PNMA8B: variants seen among roughly 807,000 people sequenced by gnomAD.
PNMA8B encodes the protein paraneoplastic antigen-like protein 8B.
For missense variants in PNMA8B, 887 were observed against 885.8 expected (o/e 1.00, Z -0.02); for synonymous variants, 386 against 394.9 (o/e 0.98, Z 0.27).
Position 46,492,252 on chromosome 19 carries a change from C to T in PNMA8B, c.*1306G>A, listed in dbSNP as rs781779736. On this transcript the variant is annotated 3_prime_UTR_variant, in exon 1 of 1. Coordinates refer to ENST00000599531, the MANE Select transcript of PNMA8B (RefSeq NM_020709.3). The stretch of plus-strand genomic sequence containing the variant: ...GGGACGAGGAAGCACACACATTGCC[C>T]CAGGGACAAGAAGGCATGAATGAAG... 8.4e-6 allele frequency: 3 copies of T among 356,424 alleles called. No homozygotes were observed. Among genetic ancestry groups the T allele is most frequent in the Non-Finnish European group, 1.7e-5 (3 of 171,604 alleles). 22.1% of individuals were successfully genotyped at this position (356,424 alleles called of 1,614,324 possible).
rs1970021784 is a variant in PNMA8B at position 46,492,694 on chromosome 19, A to T, written c.*864T>A. ...ACCCAGGGGAGCCACAGCCTATGGG[A>T]GGGGCCAGGGCCCACTCAGCCCAGA... On this transcript the variant is annotated 3_prime_UTR_variant, in exon 1 of 1. Transcript: ENST00000599531. 6.6e-6 allele frequency: 1 copy of T among 152,396 alleles called. No individual in the cohort carries two copies. Among genetic ancestry groups the T allele is most frequent in the Admixed American group, 6.5e-5 (1 of 15,290 alleles). 9.4% of individuals were successfully genotyped at this position (152,396 alleles called of 1,614,324 possible).
At position 46,494,581 on chromosome 19, in the gene PNMA8B, C is replaced by T; in HGVS notation, c.885G>A (p.Leu295=). The part of the protein sequence containing the change: ...DKNGVPDLVA[L]LAVRDTPDEE... ...CGTCCGGGGTGTCTCTCACAGCCAG[C>T]AGGGCCACTAAGTCGGGGACACCAT... is the stretch of plus-strand genomic sequence containing the variant. The change falls in exon 1 of 1, where the codon CTG becomes CTA. Residue 295 remains leucine, a synonymous_variant. Transcript: ENST00000599531. 1 of 1,614,074 alleles carries T rather than the reference C, an allele frequency of 6.2e-7. No homozygotes were observed. Among genetic ancestry groups the T allele is most frequent in the Non-Finnish European group, 8.5e-7 (1 of 1,179,902 alleles).
At position 46,492,102 on chromosome 19, in the gene PNMA8B, C is replaced by T; in HGVS notation, c.*1456G>A. 2.5e-6 allele frequency: 1 copy of T among 402,400 alleles called. No individual in the cohort carries two copies. Among genetic ancestry groups the T allele is most frequent in the South Asian group, 1.7e-5 (1 of 57,200 alleles). The allele number at this position is 402,400 out of a possible 1,614,324, so 24.9% of individuals were successfully genotyped here. The stretch of plus-strand genomic sequence containing the variant: ...AGCTTCTACATCTGGGTGTCCCTGA[C>T]ATAGGACTGGGACAGTCTGGTCTGG... On this transcript the variant is annotated 3_prime_UTR_variant, in exon 1 of 1. Coordinates refer to ENST00000599531, the MANE Select transcript of PNMA8B (RefSeq NM_020709.3).
chr19:46,491,565 CG>C lies in PNMA8B; in HGVS notation c.*1992del, dbSNP rs1259366520. ...GAAGCTAGGGTGGGGATTGGCTGGGCGGGGTCTCCATGGGTGTCCAGGGGCT... is the reference window on the plus strand; with the variant it reads ...GAAGCTAGGGTGGGGATTGGCTGGGCGGGTCTCCATGGGTGTCCAGGGGCT... On this transcript the variant is annotated 3_prime_UTR_variant, in exon 1 of 1. Coordinates refer to ENST00000599531, the MANE Select transcript of PNMA8B (RefSeq NM_020709.3). 4.0e-5 allele frequency: 5 copies of C among 124,398 alleles called. No homozygotes were observed. The highest frequency in any genetic ancestry group is 8.3e-5 in the Non-Finnish European group (5 of 60,394). 7.7% of individuals were successfully genotyped at this position (124,398 alleles called of 1,614,324 possible). A position where few individuals can be genotyped will look rare whatever the true frequency, so the allele number is the denominator to read the frequency against.
At position 46,494,901 on chromosome 19, in the gene PNMA8B, G is replaced by A. The variant is rs774071221; in HGVS notation, c.565C>T (p.Pro189Ser). Reference sequence around the variant, plus strand: ...GAGTCCTCGGCCTCACTCCTCGCGGGAGCAGACGGCCGTCCTCCTCGGCTT... The same window carrying A: ...GAGTCCTCGGCCTCACTCCTCGCGGAAGCAGACGGCCGTCCTCCTCGGCTT... ...KRSRGGRPSA[P>S]ARSEAEDSSD... The change falls in exon 1 of 1, where the codon CCC becomes TCC. Residue 189 changes from proline to serine, a missense_variant. By Grantham distance (74) the Pro-to-Ser change is moderately conservative. Transcript: ENST00000599531. 1.2e-6 allele frequency: 2 copies of A among 1,611,988 alleles called. No homozygotes were observed. Among genetic ancestry groups the A allele is most frequent in the African/African-American group, 1.3e-5 (1 of 75,068 alleles).
Position 46,493,475 on chromosome 19 carries a change from G to C in PNMA8B, c.*83C>G. 1.2e-6 allele frequency: 1 copy of C among 845,942 alleles called. No individual in the cohort carries two copies. The highest frequency in any genetic ancestry group is 3.9e-5 in the South Asian group (1 of 25,708). The allele number at this position is 845,942 out of a possible 1,614,324, so 52.4% of individuals were successfully genotyped here. On this transcript the variant is annotated 3_prime_UTR_variant, in exon 1 of 1. Coordinates refer to ENST00000599531, the MANE Select transcript of PNMA8B (RefSeq NM_020709.3). The surrounding 1 kb of genome is among the most constrained non-coding windows in gnomAD (Gnocchi z 5.3). ...AGATTGCGTCTGCGGAGGACAGGAA[G>C]AGGGGAGGGGAGGGCGGGGGCCACA... is the stretch of plus-strand genomic sequence containing the variant.
At position 46,494,396 on chromosome 19, in the gene PNMA8B, A is replaced by G. The variant is rs757149419; in HGVS notation, c.1070T>C (p.Ile357Thr). Residue 357 changes from isoleucine to threonine, a missense_variant, in exon 1 of 1, where the codon ATC (isoleucine) becomes ACC (threonine). Transcript: ENST00000599531. Reference protein sequence around the residue: ...REEMLKIASVIESLGWSDEKD... With the variant: ...REEMLKIASVTESLGWSDEKD... ...CTCGTCGCTCCAGCCCAGCGACTCG[A>G]TAACAGAAGCGATTTTCAACATCTC... The G allele has an allele frequency of 5.0e-6, 8 of 1,613,480 alleles. No homozygotes were observed. The highest frequency in any genetic ancestry group is 6.8e-6 in the Non-Finnish European group (8 of 1,179,890).
In PNMA8B at chr19:46,493,432, G is replaced by C; in HGVS notation, c.*126C>G. 1.6e-6 allele frequency: 1 copy of C among 608,814 alleles called. No homozygotes were observed. The highest frequency in any genetic ancestry group is 3.5e-5 in the East Asian group (1 of 28,898). 37.7% of individuals were successfully genotyped at this position (608,814 alleles called of 1,614,324 possible). ...GTGACGCTGGCAAAACGCGGCCCGG[G>C]CGCGCTGTGAAGCGAGGAGATTGCG... On this transcript the variant is annotated 3_prime_UTR_variant, in exon 1 of 1. Transcript: ENST00000599531. This position sits in a 1 kb window ranked among gnomAD's most constrained non-coding sequence, Gnocchi z 5.3.
Position 46,495,140 on chromosome 19 carries a change from A to C in PNMA8B, c.326T>G (p.Leu109Arg). The C allele has an allele frequency of 6.2e-7, 1 of 1,613,842 alleles. No homozygotes were observed. Among genetic ancestry groups the C allele is most frequent in the Non-Finnish European group, 8.5e-7 (1 of 1,179,848 alleles). ...DTRVLRQMRR[L>R]LLDDGPTQAA... ...CTGCGTGGGCCCGTCATCCAGCAGCAGGCGTCTCATCTGCCTCAGGACCCT... is the reference window on the plus strand; with the variant it reads ...CTGCGTGGGCCCGTCATCCAGCAGCCGGCGTCTCATCTGCCTCAGGACCCT... Residue 109 changes from leucine to arginine, a missense_variant, in exon 1 of 1, where the codon CTG becomes CGG. Coordinates refer to ENST00000599531, the MANE Select transcript of PNMA8B (RefSeq NM_020709.3).
In PNMA8B at chr19:46,493,305, G is replaced by C; in HGVS notation, c.*253C>G. 2.6e-6 allele frequency: 1 copy of C among 379,884 alleles called. No individual in the cohort carries two copies. The highest frequency in any genetic ancestry group is 4.7e-6 in the Non-Finnish European group (1 of 214,664). The allele number at this position is 379,884 out of a possible 1,614,324, so 23.5% of individuals were successfully genotyped here. ...CTTGGCGCGTCCCCATCTCGGCCCT[G>C]CGCTGCTGCCTCGGGCGCCCACTTC... On this transcript the variant is annotated 3_prime_UTR_variant, in exon 1 of 1. Transcript: ENST00000599531. This position sits in a 1 kb window ranked among gnomAD's most constrained non-coding sequence, Gnocchi z 5.3.
chr19:46,493,350 G>T lies in PNMA8B; in HGVS notation c.*208C>A, dbSNP rs1970032646. On this transcript the variant is annotated 3_prime_UTR_variant, in exon 1 of 1. Transcript: ENST00000599531. This position sits in a 1 kb window ranked among gnomAD's most constrained non-coding sequence, Gnocchi z 5.3. ...CACTTCTCTTTCCTCCTCCCATCCGGGCTTCCTCCGTCGGGATCGCTGGCG... is the reference window on the plus strand; with the variant it reads ...CACTTCTCTTTCCTCCTCCCATCCGTGCTTCCTCCGTCGGGATCGCTGGCG... The T allele has an allele frequency of 5.0e-6, 2 of 402,358 alleles. No homozygotes were observed. The allele number at this position is 402,358 out of a possible 1,614,324, so 24.9% of individuals were successfully genotyped here.
chr19:46,493,394 C>T lies in PNMA8B; in HGVS notation c.*164G>A. 2.2e-6 allele frequency: 1 copy of T among 445,894 alleles called. No individual in the cohort carries two copies. Among genetic ancestry groups the T allele is most frequent in the Non-Finnish European group, 3.7e-6 (1 of 268,584 alleles). 27.6% of individuals were successfully genotyped at this position (445,894 alleles called of 1,614,324 possible). On this transcript the variant is annotated 3_prime_UTR_variant, in exon 1 of 1. Transcript: ENST00000599531. This position sits in a 1 kb window ranked among gnomAD's most constrained non-coding sequence, Gnocchi z 5.3. Reference sequence around the variant, plus strand: ...GCTGGCGCCCCCGGCCTGCGAGGGCCCGAGAGGGGAACGTGACGCTGGCAA... The same window carrying T: ...GCTGGCGCCCCCGGCCTGCGAGGGCTCGAGAGGGGAACGTGACGCTGGCAA...
In PNMA8B at chr19:46,494,173, C is replaced by T. The variant is rs1375354762; in HGVS notation, c.1293G>A (p.Gly431=). 6.2e-7 allele frequency: 1 copy of T among 1,610,212 alleles called. No homozygotes were observed. Among genetic ancestry groups the T allele is most frequent in the Non-Finnish European group, 8.5e-7 (1 of 1,179,858 alleles). Residue 431 remains glycine (G), a synonymous_variant, in exon 1 of 1, where the codon GGG becomes GGA. Transcript: ENST00000599531. The part of the protein sequence containing the change: ...PDLPPQAKKA[G]RGLFGGWSEH... ...CGCTCCAGCCCCCGAAGAGGCCACG[C>T]CCAGCCTTCTTCGCCTGGGGAGGGA...
Position 46,493,507 on chromosome 19 carries a change from C to T in PNMA8B, c.*51G>A, listed in dbSNP as rs1970035945. ...GGGGAGGGCGGGGGCCACAGGCGGG[C>T]GGGTGCCCTGCGGGGCCTGCTCGCA... On this transcript the variant is annotated 3_prime_UTR_variant, in exon 1 of 1. Transcript: ENST00000599531. The surrounding 1 kb of genome is among the most constrained non-coding windows in gnomAD (Gnocchi z 5.3). 1.8e-6 allele frequency: 2 copies of T among 1,124,726 alleles called. No individual in the cohort carries two copies. The highest frequency in any genetic ancestry group is 2.2e-6 in the Non-Finnish European group (2 of 894,544). 69.7% of individuals were successfully genotyped at this position (1,124,726 alleles called of 1,614,324 possible). A position where few individuals can be genotyped will look rare whatever the true frequency, so the allele number is the denominator to read the frequency against.
rs1426948990 is a variant in PNMA8B at position 46,493,884 on chromosome 19, T to A, written c.1582A>T (p.Arg528Trp). 6.4e-7 allele frequency: 1 copy of A among 1,551,270 alleles called. No individual in the cohort carries two copies. Residue 528 changes from arginine to tryptophan, a missense_variant, in exon 1 of 1, where the codon AGG becomes TGG. Coordinates refer to ENST00000599531, the MANE Select transcript of PNMA8B (RefSeq NM_020709.3). The surrounding 1 kb of genome is among the most constrained non-coding windows in gnomAD (Gnocchi z 5.3). ...TESEASEPED[R>W]ASRKPRAKRA... ...TTGGCCCGGGGCTTCCTGGATGCCC[T>A]GTCCTCCGGCTCCGACGCCTCGCTC...
chr19:46,493,668 C>T lies in PNMA8B; in HGVS notation c.1798G>A (p.Gly600Arg), dbSNP rs182877132. Reference protein sequence around the residue: ...SRKKKGSAGAGAHARAGEAKG... With the variant: ...SRKKKGSAGARAHARAGEAKG... Reference sequence around the variant, plus strand: ...GCCTCGCCTGCCCTGGCATGGGCCCCGGCGCCCGCGCTCCCCTTCTTCTTC... The same window carrying T: ...GCCTCGCCTGCCCTGGCATGGGCCCTGGCGCCCGCGCTCCCCTTCTTCTTC... The change falls in exon 1 of 1, where the codon GGG (glycine) becomes AGG (arginine). Residue 600 changes from glycine (G) to arginine (R), a missense_variant. Transcript: ENST00000599531. The surrounding 1 kb of genome is among the most constrained non-coding windows in gnomAD (Gnocchi z 5.3). The T allele has an allele frequency of 1.1e-3, 1,669 of 1,531,540 alleles. 20 individuals are homozygous for T. In the African/African-American group the frequency reaches 0.02, roughly 19 times the overall value. 94.9% of individuals were successfully genotyped at this position (1,531,540 alleles called of 1,614,324 possible). A position where few individuals can be genotyped will look rare whatever the true frequency, so the allele number is the denominator to read the frequency against.
chr19:46,493,630 C>T lies in PNMA8B; in HGVS notation c.1836G>A (p.Ala612=), dbSNP rs767628934. The change falls in exon 1 of 1, where the codon GCG becomes GCA. Residue 612 remains alanine (A), a synonymous_variant. Coordinates refer to ENST00000599531, the MANE Select transcript of PNMA8B (RefSeq NM_020709.3). The surrounding 1 kb of genome is among the most constrained non-coding windows in gnomAD (Gnocchi z 5.3). ...CGCGCGCGGCCTTGGATCCAGTGGG[C>T]GCCTGGCCCTTGGCCTCGCCTGCCC... ...HARAGEAKGQ[A]PTGSKAARGK... is the part of the protein sequence containing the mutation. The T allele has an allele frequency of 1.3e-6, 2 of 1,533,038 alleles. No homozygotes were observed. Among genetic ancestry groups the T allele is most frequent in the East Asian group, 2.5e-5 (1 of 39,524 alleles). 95.0% of individuals were successfully genotyped at this position (1,533,038 alleles called of 1,614,324 possible).
chr19:46,494,834 T>G lies in PNMA8B; in HGVS notation c.632A>C (p.Gln211Pro). The G allele has an allele frequency of 6.2e-7, 1 of 1,613,514 alleles. No individual in the cohort carries two copies. The highest frequency in any genetic ancestry group is 1.1e-5 in the South Asian group (1 of 91,084). The change falls in exon 1 of 1, where the codon CAG becomes CCG. Residue 211 changes from glutamine (Q) to proline (P), a missense_variant. Transcript: ENST00000599531. The stretch of plus-strand genomic sequence containing the variant: ...GTCCTCTTCTCCGCTCAGGTCGCCC[T>G]GGTCGATCTCCTCGATCACGATGCC... Reference protein sequence around the residue: ...SLGIVIEEIDQGDLSGEEDQS... With the variant: ...SLGIVIEEIDPGDLSGEEDQS...
rs770165463 is a variant in PNMA8B at position 46,494,444 on chromosome 19, G to A, written c.1022C>T (p.Pro341Leu). 5.6e-6 allele frequency: 9 copies of A among 1,613,872 alleles called. No homozygotes were observed. Among genetic ancestry groups the A allele is most frequent in the African/African-American group, 1.3e-5 (1 of 74,940 alleles). ...EFVAIVAYTD[P>L]SDPWAREEML... Reference sequence around the variant, plus strand: ...CTCCTCCCGGGCCCAGGGGTCCGACGGGTCGGTATAGGCCACAATGGCCAC... The same window carrying A: ...CTCCTCCCGGGCCCAGGGGTCCGACAGGTCGGTATAGGCCACAATGGCCAC... The change falls in exon 1 of 1, where the codon CCG becomes CTG. Residue 341 changes from proline to leucine, a missense_variant. Pro to Leu is a moderately conservative substitution (Grantham distance 98). Transcript: ENST00000599531.
Sources: allele counts gnomAD v4.1 joint callset, GRCh38; gene constraint gnomAD v4.1.1; non-coding constraint Gnocchi (gnomAD v3.1); transcripts MANE v1.5; gene names NCBI Gene and HGNC (gene_info 2026-07-23, HGNC 2026-07-21).